ADAMTS6: variants seen among roughly 807,000 people sequenced by gnomAD.
ADAMTS6 encodes ADAM metallopeptidase with thrombospondin type 1 motif 6.
A neutral mutation model predicts 144.3 loss-of-function variants in ADAMTS6; 23 were observed. The observed-to-expected ratio is 0.16, with a 90% CI of 0.11 to 0.23. The LOEUF (loss-of-function observed/expected upper bound fraction) is 0.23. Ranked by LOEUF, ADAMTS6 falls within the 10% of genes least tolerant of loss-of-function variation. The pLI, the probability that ADAMTS6 is intolerant of heterozygous loss-of-function variation, is 1.00. For missense variants in ADAMTS6, 999 were observed against 1,379.6 expected (o/e 0.72, Z 4.37); for synonymous variants, 444 against 457.5 (o/e 0.97, Z 0.38).
intron 10 of ADAMTS6, among the ~76,000 whole-genome samples, chr5:65,293,866 T>C (rs1208910999): frequency 6.6e-6 from 1 of 152,220 alleles, no homozygotes; most frequent in Non-Finnish European, 1.5e-5. Flanking sequence ...TAGACAAGTC[T>C]TGTTCTCCTT....
intron 11 of ADAMTS6, among the ~76,000 whole-genome samples, chr5:65,273,932 A>AT (rs1340586710): frequency 1.3e-5 from 2 of 152,196 alleles, no homozygotes; most frequent in South Asian, 2.1e-4. Context: ...TAATGTATGA[A>AT]TTTTTTAAAT....
intron 15 of ADAMTS6, among the ~76,000 whole-genome samples, chr5:65,226,899 T>TA (rs906340074): frequency 4.6e-5 from 7 of 152,186 alleles, no homozygotes; most frequent in South Asian, 2.1e-4. Context: ...AACAATTTTT[T>TA]AAAAAAACCT....
chr5:65,271,715 G>C (rs1350658347), intron 12 of ADAMTS6, among the ~76,000 whole-genome samples: 1 of 152,020 alleles, frequency 6.6e-6, no homozygotes, highest in African/African-American at 2.4e-5. Flanking sequence ...ATAAATCAAT[G>C]GCAAATAAAG....
In ADAMTS6 at chr5:65,245,799, A is replaced by G. The variant is rs530666139; in HGVS notation, c.1831-3593T>C. On this transcript the variant is annotated intron_variant, in intron 14 of 24. Coordinates refer to ENST00000381055, the MANE Select transcript of ADAMTS6 (RefSeq NM_197941.4). ...TCAACTGTGCATTATAGTGTGAGAG[A>G]AGCCACAGACAATATGTAAATAAAT... Among the ~76,000 whole-genome samples the G allele has an allele frequency of 2.6e-5, 4 of 152,260 alleles. No homozygotes were observed. In the South Asian group the frequency reaches 8.3e-4, roughly 32 times the overall value.
chr5:65,230,238 T>C (rs922025860), intron 15 of ADAMTS6, among the ~76,000 whole-genome samples: 2 of 146,730 alleles, frequency 1.4e-5, no homozygotes, highest in African/African-American at 2.5e-5. Flanking sequence ...ATTATAACTA[T>C]AGATTTTTAT....
intron 15 of ADAMTS6, among the ~76,000 whole-genome samples, chr5:65,229,125 G>C (rs757415320): frequency 1.3e-5 from 2 of 152,136 alleles, no homozygotes; most frequent in Non-Finnish European, 2.9e-5. Context: ...CATACAACTT[G>C]AGCATTTAGG....
At chr5:65,431,573 G>A (rs1044053517) in intron 7 of ADAMTS6, among the ~76,000 whole-genome samples, 27 of 152,114 alleles carry the variant, frequency 1.8e-4, no homozygotes, top group Admixed American at 4.6e-4. Context: ...GTAAAACAAG[G>A]TAACAGAGGA....
intron 13 of ADAMTS6, among the ~76,000 whole-genome samples, chr5:65,262,124 T>C (rs1300059022): frequency 6.6e-6 from 1 of 152,092 alleles, no homozygotes; most frequent in Non-Finnish European, 1.5e-5. Context: ...TCACCTGTAA[T>C]GGGCATGGAG....
At position 65,300,027 on chromosome 5, in the gene ADAMTS6, G is replaced by A. The variant is rs930032809; in HGVS notation, c.1328C>T (p.Ser443Phe). The A allele has an allele frequency of 1.2e-6, 2 of 1,613,898 alleles. No individual in the cohort carries two copies. Among genetic ancestry groups the A allele is most frequent in the African/African-American group, 1.3e-5 (1 of 74,904 alleles). Residue 443 changes from serine (S) to phenylalanine (F), a missense_variant, in exon 10 of 25, where the codon TCC becomes TTC. Around this residue, in one of 3 missense-constraint regions of ADAMTS6, gnomAD observed 128 missense variants for 249.0 expected, o/e 0.51. Transcript: ENST00000381055. ...AHITANTNPF[S>F]WSACSRDYIT... ...GTAGTCTCGACTGCAAGCAGACCAG[G>A]AAAAAGGATTGGTATTCGCAGTAAT...
chr5:65,206,851 C>A (rs1756136273), intron 20 of ADAMTS6, among the ~76,000 whole-genome samples: 1 of 151,094 alleles, frequency 6.6e-6, no homozygotes, highest in Non-Finnish European at 1.5e-5. Flanking sequence ...CACACACACA[C>A]ACACACACAC....
chr5:65,162,999 T>C (rs1358618712), intron 24 of ADAMTS6, among the ~76,000 whole-genome samples: 2 of 152,152 alleles, frequency 1.3e-5, no homozygotes, highest in East Asian at 3.8e-4. Context: ...AGCCTCAACT[T>C]CCTGAGTTCA....
At chr5:65,454,330 G>A (rs564854160) in intron 4 of ADAMTS6, among the ~76,000 whole-genome samples, 2 of 152,268 alleles carry the variant, frequency 1.3e-5, no homozygotes, top group African/African-American at 4.8e-5. Context: ...GAAATGAGGT[G>A]GAAATGATCA....
intron 7 of ADAMTS6, among the ~76,000 whole-genome samples, chr5:65,384,319 A>G (rs1179662709): frequency 1.3e-5 from 2 of 152,000 alleles, no homozygotes; most frequent in African/African-American, 2.4e-5. Context: ...TCTCTCACAC[A>G]TTTTACTATA....
intron 24 of ADAMTS6, among the ~76,000 whole-genome samples, chr5:65,152,461 G>A (rs1393312933): frequency 1.3e-5 from 2 of 152,082 alleles, no homozygotes; most frequent in African/African-American, 4.8e-5. Context: ...GCTGAGAGTG[G>A]CCTAGATTCA....
intron 7 of ADAMTS6, among the ~76,000 whole-genome samples, chr5:65,437,849 C>T (rs562826156): frequency 2.6e-5 from 4 of 152,078 alleles, no homozygotes; most frequent in South Asian, 2.1e-4. Flanking sequence ...GGAATATTTT[C>T]GATCCACGAT....
At chr5:65,466,848 C>T (rs968985998) in intron 3 of ADAMTS6, among the ~76,000 whole-genome samples, 1 of 152,142 alleles carries the variant, frequency 6.6e-6, no homozygotes, top group Non-Finnish European at 1.5e-5. Context: ...CGAGACCATC[C>T]TGGCTAACAC....
chr5:65,275,328 CAGAG>C (rs1202239611), intron 11 of ADAMTS6, among the ~76,000 whole-genome samples: 7 of 106,058 alleles, frequency 6.6e-5, no homozygotes, highest in Non-Finnish European at 1.1e-4. Context: ...GAGAGAGAGA[CAGAG>C]AGAAATGAAG....
At position 65,227,442 on chromosome 5, in the gene ADAMTS6, C is replaced by G. The variant is rs900782474; in HGVS notation, c.1934-1223G>C. Among the ~76,000 whole-genome samples the G allele has an allele frequency of 1.2e-4, 18 of 152,288 alleles. No individual in the cohort carries two copies. In the South Asian group the frequency reaches 1.2e-3, roughly 11 times the overall value. ...TAAGTATGTAATTATTGACTGAAATCATGACTTAAAATATTTTCTTTTGTA... is the reference window on the plus strand; with the variant it reads ...TAAGTATGTAATTATTGACTGAAATGATGACTTAAAATATTTTCTTTTGTA... On this transcript the variant is annotated intron_variant, in intron 15 of 24. Transcript: ENST00000381055.
At chr5:65,408,912 C>A (rs1012099816) in intron 7 of ADAMTS6, among the ~76,000 whole-genome samples, 2 of 152,036 alleles carry the variant, frequency 1.3e-5, no homozygotes, top group African/African-American at 4.8e-5. Context: ...GGGTACATAA[C>A]GAAATGAAGG....
Sources: allele counts gnomAD v4.1 joint callset (sites outside exome capture counted in the v4.1 genomes callset), GRCh38; gene constraint gnomAD v4.1.1; regional missense constraint gnomAD v4.1.1; transcripts MANE v1.5; gene names NCBI Gene and HGNC (gene_info 2026-07-23, HGNC 2026-07-21).